TUFT1: variants seen among roughly 807,000 people sequenced by gnomAD.
TUFT1 encodes the protein tuftelin 1, also known as tuftelin.
In TUFT1, 43 loss-of-function variants were observed where a neutral mutation model predicts 57.8. The observed-to-expected ratio is 0.74, with a 90% confidence interval of 0.58 to 0.96. The LOEUF is 0.96. TUFT1 is among the 40% of genes least tolerant of loss of function. The pLI is 0.00. For missense variants in TUFT1, 459 were observed against 489.0 expected, an observed-to-expected ratio of 0.94 and a Z score of 0.58; for synonymous variants, 166 against 176.7, an observed-to-expected ratio of 0.94 and a Z score of 0.48.
Position 151,565,490 on chromosome 1 carries a change from G to A in TUFT1, c.415-673G>A, listed in dbSNP as rs182937500. Among the ~76,000 whole-genome samples, 261 of 152,354 alleles carry A rather than the reference G, an allele frequency of 1.7e-3. 1 individual carries two copies. Among genetic ancestry groups the A allele is most frequent in the African/African-American group, 6.1e-3 (254 of 41,580 alleles). On this transcript the variant is annotated intron_variant, in intron 5 of 12. Transcript: ENST00000368849. ...GTCTTGGGCATGCACTTGTGTGGTG[G>A]AAATTACCTAATTTTTGCTTTGGCT...
chr1:151,549,298 A>G (rs888186159), intron 1 of TUFT1, among the ~76,000 whole-genome samples: 2 of 152,164 alleles, frequency 1.3e-5, no homozygotes, highest in African/African-American at 2.4e-5. Context: ...CTAGAAAACA[A>G]CTAAGTGCAC....
intron 1 of TUFT1, among the ~76,000 whole-genome samples, chr1:151,553,114 T>A (rs867677296): frequency 6.6e-6 from 1 of 151,922 alleles, no homozygotes; most frequent in African/African-American, 2.4e-5. Flanking sequence ...TTTTTTTAGA[T>A]GGAGTCTTGC....
intron 1 of TUFT1, among the ~76,000 whole-genome samples, chr1:151,556,067 T>C (rs541893005): frequency 6.6e-6 from 1 of 152,322 alleles, no homozygotes; most frequent in South Asian, 2.1e-4. Context: ...TATAACTTTG[T>C]TATTTAAAAA....
chr1:151,561,621 A>T (rs892344157), intron 1 of TUFT1: 1 of 1,188,986 alleles, frequency 8.4e-7, no homozygotes, highest in African/African-American at 1.6e-5. Context: ...GGCTCATAGA[A>T]ATGGGAGTTT....
At chr1:151,571,264 G>T (rs1220341185) in intron 7 of TUFT1, among the ~76,000 whole-genome samples, 1 of 152,180 alleles carries the variant, frequency 6.6e-6, no homozygotes, top group Admixed American at 6.5e-5. Flanking sequence ...TTCTATGTTA[G>T]CCGAAGTATT....
chr1:151,575,939 C>T (rs956357898), intron 9 of TUFT1, among the ~76,000 whole-genome samples: 9 of 152,110 alleles, frequency 5.9e-5, no homozygotes, highest in African/African-American at 2.2e-4. Context: ...TCTGACTGGA[C>T]TTTATATCAG....
At chr1:151,566,689 A>G (rs142533282) in intron 6 of TUFT1, among the ~76,000 whole-genome samples, 2,496 of 152,268 alleles carry the variant, frequency 0.016, 41 homozygotes, top group Non-Finnish European at 0.022. Flanking sequence ...AATATCATGT[A>G]TATGTTATAT....
chr1:151,562,406 T>C (rs1183621482), intron 2 of TUFT1, 179 bp from the exon 3 acceptor site: 1 of 652,136 alleles, frequency 1.5e-6, no homozygotes, highest in Non-Finnish European at 2.7e-6. Flanking sequence ...TTCTTGCTGC[T>C]GTGTGGCTTC....
At chr1:151,551,413 T>C (rs1665504021) in intron 1 of TUFT1, among the ~76,000 whole-genome samples, 1 of 152,156 alleles carries the variant, frequency 6.6e-6, no homozygotes, top group Non-Finnish European at 1.5e-5. Flanking sequence ...CTTATGATTT[T>C]CTCGGGGGAG....
chr1:151,556,379 T>C (rs1252592991), intron 1 of TUFT1, among the ~76,000 whole-genome samples: 1 of 148,492 alleles, frequency 6.7e-6, no homozygotes, highest in African/African-American at 2.5e-5. Context: ...CTTCCCTTCC[T>C]TTCTCCTCCC....
chr1:151,563,111 C>T (rs1393241436), intron 3 of TUFT1, among the ~76,000 whole-genome samples: 1 of 152,112 alleles, frequency 6.6e-6, no homozygotes, highest in Non-Finnish European at 1.5e-5. Flanking sequence ...TCTCCAAATC[C>T]TGGGCTCGAG....
At chr1:151,579,781 G>A in intron 11 of TUFT1, 49 bp downstream of exon 11, 1 of 1,573,294 alleles carries the variant, frequency 6.4e-7, no homozygotes, top group Non-Finnish European at 8.7e-7. Context: ...TTGAAGAGAA[G>A]GTGGACATAA....
At chr1:151,575,211 TC>T (rs1666425578) in intron 9 of TUFT1, among the ~76,000 whole-genome samples, 1 of 152,146 alleles carries the variant, frequency 6.6e-6, no homozygotes, top group Non-Finnish European at 1.5e-5. Flanking sequence ...TCCAGGGAGT[TC>T]ATTTTCCATG....
At chr1:151,541,687 A>G (rs762014824) in intron 1 of TUFT1, among the ~76,000 whole-genome samples, 1 of 152,134 alleles carries the variant, frequency 6.6e-6, no homozygotes, top group Non-Finnish European at 1.5e-5. Context: ...CTGGGCTATG[A>G]GTGTTTTTGC....
Position 151,578,809 on chromosome 1 carries a change from C to T in TUFT1, c.907C>T (p.Arg303Trp), listed in dbSNP as rs148582735. The stretch of plus-strand genomic sequence containing the variant: ...GCTCAAGAGCCAGCAGCGGAAAGTC[C>T]GGCAAATGATAGAGCAGGTAAGTTG... Reference protein sequence around the residue: ...DMLKSQQRKVRQMIEQLQNSK... With the variant: ...DMLKSQQRKVWQMIEQLQNSK... Residue 303 changes from arginine to tryptophan, a missense_variant, in exon 10 of 13, where the codon CGG becomes TGG. Arg to Trp is a moderately radical substitution (Grantham distance 101). Transcript: ENST00000368849. 7.0e-6 allele frequency: 11 copies of T among 1,571,656 alleles called. No homozygotes were observed. The highest frequency in any genetic ancestry group is 2.3e-5 in the East Asian group (1 of 42,774).
intron 1 of TUFT1, among the ~76,000 whole-genome samples, chr1:151,550,534 G>A (rs1185292872): frequency 2.6e-5 from 4 of 151,774 alleles, no homozygotes; most frequent in Middle Eastern, 3.2e-3. Context: ...CAGTGGAGAC[G>A]GGGTTTCACC....
Position 151,562,096 on chromosome 1 carries a change from C to T in TUFT1, c.66C>T (p.Ser22=), listed in dbSNP as rs571682939. 2.9e-5 allele frequency: 47 copies of T among 1,613,974 alleles called. No individual in the cohort carries two copies. Among genetic ancestry groups the T allele is most frequent in the Middle Eastern group, 3.3e-4 (2 of 6,058 alleles). Residue 22 remains serine (S), a synonymous_variant, in exon 2 of 13, where the codon AGC becomes AGT. Coordinates refer to ENST00000368849, the MANE Select transcript of TUFT1 (RefSeq NM_020127.3). ...DVHPEDQAAG[S]VDILRLTLQG... is the part of the protein sequence containing the mutation. ...GCTGTCATTGTCATTATTAGGGCAG[C>T]GTGGACATTCTCAGGCTGACTCTCC...
At chr1:151,549,846 C>T (rs147335302) in intron 1 of TUFT1, among the ~76,000 whole-genome samples, 2 of 152,152 alleles carry the variant, frequency 1.3e-5, no homozygotes, top group Non-Finnish European at 2.9e-5. Flanking sequence ...CTCAGCTTCC[C>T]TAGTAGCTGG....
In TUFT1 at chr1:151,582,452, C is replaced by A. The variant is rs1666672165; in HGVS notation, c.*745C>A. On this transcript the variant is annotated 3_prime_UTR_variant, in exon 13 of 13. Transcript: ENST00000368849. ...TTTCCCTAAGGTGTACCACCAGGCA[C>A]ACCTCAGTCTTCTTGACCCAGAGCC... is the stretch of plus-strand genomic sequence containing the variant. The A allele has an allele frequency of 6.4e-6, 2 of 310,942 alleles. No homozygotes were observed. The highest frequency in any genetic ancestry group is 8.6e-5 in the Admixed American group (2 of 23,252). 19.3% of individuals were successfully genotyped at this position (310,942 alleles called of 1,614,324 possible).
Sources: gnomAD v4.1 joint callset for allele counts (sites outside exome capture counted in the v4.1 genomes callset) on GRCh38, gnomAD v4.1.1 for gene constraint, MANE v1.5 for transcripts, NCBI Gene and HGNC (gene_info 2026-07-23, HGNC 2026-07-21) for gene names.